TRIM24: variants seen among roughly 807,000 people sequenced by gnomAD.
The protein encoded by TRIM24 is transcription intermediary factor 1-alpha.
TRIM24 carries 29 observed loss-of-function variants against 123.9 expected under a neutral mutation model. The observed-to-expected ratio is 0.23, with a 90% confidence interval of 0.17 to 0.32. TRIM24 has a LOEUF of 0.32. TRIM24 is among the 10% of genes least tolerant of loss of function. TRIM24 has a pLI of 1.00. For missense variants in TRIM24, 932 were observed against 1,295.3 expected (o/e 0.72, Z 4.31); for synonymous variants, 456 against 461.1 (o/e 0.99, Z 0.14).
At chr7:138,473,346 C>T (rs1795318728) in intron 1 of TRIM24, among the ~76,000 whole-genome samples, 1 of 152,216 alleles carries the variant, frequency 6.6e-6, no homozygotes, top group South Asian at 2.1e-4. Flanking sequence ...TTTCTCTCTA[C>T]TTACTGTATG....
chr7:138,575,516 TTTAAA>T (rs1487415521), intron 12 of TRIM24, among the ~76,000 whole-genome samples: 2 of 151,808 alleles, frequency 1.3e-5, no homozygotes, highest in East Asian at 1.9e-4. Context: ...GCCTTTTATT[TTTAAA>T]TTAAATTCTC....
At position 138,489,123 on chromosome 7, in the gene TRIM24, G is replaced by A. The variant is rs536052623; in HGVS notation, c.365-15167G>A. On this transcript the variant is annotated intron_variant, in intron 1 of 18. Coordinates refer to ENST00000343526, the MANE Select transcript of TRIM24 (RefSeq NM_015905.3). ...TGTATTGGCCTTCTTTGTCTCCTTT[G>A]ATCTTTGTTGGTTTAAAGTCTGTTT... Among the ~76,000 whole-genome samples, 3 of 152,160 alleles carry A rather than the reference G, an allele frequency of 2.0e-5. No individual in the cohort carries two copies. In the South Asian group the frequency reaches 6.2e-4, roughly 32 times the overall value.
intron 1 of TRIM24, among the ~76,000 whole-genome samples, chr7:138,489,898 G>A (rs531831831): frequency 6.6e-6 from 1 of 152,284 alleles, no homozygotes; most frequent in Non-Finnish European, 1.5e-5. Flanking sequence ...ACGTTGGCCT[G>A]CCTTGCTAGG....
chr7:138,491,515 A>G (rs1451116661), intron 1 of TRIM24, among the ~76,000 whole-genome samples: 12 of 152,224 alleles, frequency 7.9e-5, no homozygotes, highest in African/African-American at 1.9e-4. Flanking sequence ...CACATATCAG[A>G]CATCACTTCT....
At chr7:138,493,385 A>T (rs1795837766) in intron 1 of TRIM24, among the ~76,000 whole-genome samples, 1 of 152,132 alleles carries the variant, frequency 6.6e-6, no homozygotes, top group Admixed American at 6.6e-5. Flanking sequence ...CTACTCAGGG[A>T]TTTATTTTGT....
chr7:138,485,928 A>G (rs1026257321), intron 1 of TRIM24, among the ~76,000 whole-genome samples: 3 of 152,204 alleles, frequency 2.0e-5, no homozygotes, highest in African/African-American at 7.2e-5. Flanking sequence ...GTCTTCCACA[A>G]TGGTTAAACC....
chr7:138,543,749 GA>G (rs1797048170), intron 7 of TRIM24, among the ~76,000 whole-genome samples: 1 of 152,138 alleles, frequency 6.6e-6, no homozygotes, highest in Non-Finnish European at 1.5e-5. Context: ...TGTATGGTAA[GA>G]ACACCTAAAA....
At chr7:138,515,568 GTCC>G (rs1258180923) in intron 3 of TRIM24, among the ~76,000 whole-genome samples, 3 of 152,170 alleles carry the variant, frequency 2.0e-5, no homozygotes, top group African/African-American at 7.2e-5. Context: ...CATACTGCCT[GTCC>G]TCCTGCTTCT....
chr7:138,536,122 C>T (rs1475058983), intron 6 of TRIM24, among the ~76,000 whole-genome samples: 1 of 152,108 alleles, frequency 6.6e-6, no homozygotes, highest in Non-Finnish European at 1.5e-5. Flanking sequence ...TTCATCTAAT[C>T]TTTTTTCAAG....
intron 16 of TRIM24, 55 bp downstream of exon 16, chr7:138,580,749 A>G (rs372313157): frequency 4.0e-6 from 6 of 1,518,396 alleles, no homozygotes; most frequent in Middle Eastern, 1.8e-4. Context: ...GTACTGTGGT[A>G]CCTTTTGTCA....
chr7:138,573,417 T>TA lies in TRIM24; in HGVS notation c.1879-89dup, dbSNP rs546563072. The TA allele has an allele frequency of 5.2e-4, 291 of 556,430 alleles. No homozygotes were observed. In the African/African-American group the frequency reaches 7.6e-3, roughly 15 times the overall value. The allele number at this position is 556,430 out of a possible 1,614,324, so 34.5% of individuals were successfully genotyped here. ...CTATGTTTTGTTATTCGATAATAAT[T>TA]ATTAAGTTATTGAAGCTTTCTTATA... On this transcript the variant is annotated intron_variant, in intron 11 of 18. Transcript: ENST00000343526.
chr7:138,553,293 A>C (rs1342940621), intron 8 of TRIM24, among the ~76,000 whole-genome samples: 4 of 152,174 alleles, frequency 2.6e-5, no homozygotes, highest in African/African-American at 9.6e-5. Flanking sequence ...AGGGGAAAAT[A>C]TTGATCTAGA....
At chr7:138,569,252 T>C (rs1354818967) in intron 10 of TRIM24, among the ~76,000 whole-genome samples, 5 of 152,240 alleles carry the variant, frequency 3.3e-5, no homozygotes, top group African/African-American at 4.8e-5. Flanking sequence ...CCCTATTTAT[T>C]GTATTTTAAT....
intron 10 of TRIM24, among the ~76,000 whole-genome samples, chr7:138,568,119 T>C (rs1466820744): frequency 4.6e-5 from 7 of 151,664 alleles, no homozygotes; most frequent in Admixed American, 4.6e-4. Context: ...TATTTATTTT[T>C]ATTTTTTTAT....
intron 1 of TRIM24, among the ~76,000 whole-genome samples, chr7:138,488,049 A>G (rs369067408): frequency 6.6e-5 from 10 of 152,058 alleles, no homozygotes; most frequent in African/African-American, 2.2e-4. Context: ...CAGGGATTCA[A>G]CTTCTTCCTG....
At chr7:138,501,675 CAGG>C (rs1202116604) in intron 1 of TRIM24, among the ~76,000 whole-genome samples, 2 of 151,960 alleles carry the variant, frequency 1.3e-5, no homozygotes, top group Non-Finnish European at 2.9e-5. Flanking sequence ...ATCACGAGGT[CAGG>C]AGATCAAGAC....
intron 4 of TRIM24, among the ~76,000 whole-genome samples, chr7:138,520,741 G>A (rs1454255036): frequency 6.6e-6 from 1 of 152,134 alleles, no homozygotes; most frequent in African/African-American, 2.4e-5. Context: ...CTCAGTAGAA[G>A]GGCTTAAGAA....
In TRIM24 at chr7:138,497,393, C is replaced by CTTT. The variant is rs869232002; in HGVS notation, c.365-6874_365-6872dup. ...GATGGGAAGGTTTCAATTACAATTT[C>CTTT]TTTTTTTTTTTTTTTTTTTTTTTTT... On this transcript the variant is annotated intron_variant, in intron 1 of 18. Transcript: ENST00000343526. Among the ~76,000 whole-genome samples the CTTT allele has an allele frequency of 3.8e-3, 332 of 88,290 alleles. 8 individuals are homozygous for CTTT. The highest frequency in any genetic ancestry group is 0.01 in the African/African-American group (223 of 21,718). 57.9% of individuals were successfully genotyped at this position (88,290 alleles called of 152,430 possible). A position where few individuals can be genotyped will look rare whatever the true frequency, so the allele number is the denominator to read the frequency against.
Position 138,576,455 on chromosome 7 carries a change from C to T in TRIM24, c.2087+10C>T, listed in dbSNP as rs755243326. On this transcript the variant is annotated intron_variant, in intron 13 of 18. Coordinates refer to ENST00000343526, the MANE Select transcript of TRIM24 (RefSeq NM_015905.3). ...TTGGAAGCCGAGGAAGGTAAACTGA[C>T]TAAACCATATTTTCTAGTATATAAA... 1.2e-6 allele frequency: 2 copies of T among 1,611,656 alleles called. No individual in the cohort carries two copies. Among genetic ancestry groups the T allele is most frequent in the African/African-American group, 1.3e-5 (1 of 74,794 alleles).
Sources: gnomAD v4.1 joint callset for allele counts (sites outside exome capture counted in the v4.1 genomes callset) on GRCh38, gnomAD v4.1.1 for gene constraint, MANE v1.5 for transcripts, NCBI Gene and HGNC (gene_info 2026-07-23, HGNC 2026-07-21) for gene names.